MAP2K1: variants seen among roughly 807,000 people sequenced by gnomAD.
The protein encoded by MAP2K1 is mitogen-activated protein kinase kinase 1.
MAP2K1 carries 16 observed loss-of-function variants against 46.3 expected under a neutral mutation model. The ratio of observed to expected loss-of-function variants is 0.35; its 90% confidence interval spans 0.23 to 0.52. MAP2K1 has a LOEUF of 0.52. Among genes scored for constraint, MAP2K1 ranks in the 20% least tolerant of loss-of-function variants. The pLI is 0.94. For synonymous variants in MAP2K1, 183 were observed against 185.6 expected, an observed-to-expected ratio of 0.99 and a Z score of 0.11; for missense variants, 263 against 497.1, an observed-to-expected ratio of 0.53 and a Z score of 4.48.
chr15:66,404,449 A>G (rs897396130), intron 1 of MAP2K1, among the ~76,000 whole-genome samples: 9 of 152,258 alleles, frequency 5.9e-5, no homozygotes, highest in East Asian at 5.8e-4. Flanking sequence ...ATTTACTGGA[A>G]TACTCCTATA....
At position 66,392,255 on chromosome 15, in the gene MAP2K1, GT is replaced by G. The variant is rs58831070; in HGVS notation, c.80+4852del. Among the ~76,000 whole-genome samples, 55 of 97,768 alleles carry G rather than the reference GT, an allele frequency of 5.6e-4. 2 individuals are homozygous for G. Among genetic ancestry groups the G allele is most frequent in the African/African-American group, 2.4e-3 (53 of 22,058 alleles). 64.1% of individuals were successfully genotyped at this position (97,768 alleles called of 152,430 possible). A position where few individuals can be genotyped will look rare whatever the true frequency, so the allele number is the denominator to read the frequency against. The stretch of plus-strand genomic sequence containing the variant: ...ACGAATATTTGTGTGTTTTTTTTGG[GT>G]TTTTTTTTTTTTTTTTTTTTTTTAA... On this transcript the variant is annotated intron_variant, in intron 1 of 10. Transcript: ENST00000307102.
At chr15:66,403,027 G>A (rs1296090887) in intron 1 of MAP2K1, among the ~76,000 whole-genome samples, 1 of 152,156 alleles carries the variant, frequency 6.6e-6, no homozygotes, top group African/African-American at 2.4e-5. Flanking sequence ...TATTAGGGCT[G>A]GATGGGACCT....
intron 5 of MAP2K1, among the ~76,000 whole-genome samples, chr15:66,448,832 G>A (rs542345725): frequency 1.2e-3 from 177 of 151,806 alleles, no homozygotes; most frequent in Non-Finnish European, 2.0e-3. Context: ...TGAAACCCCC[G>A]TCTCTACTAA....
intron 8 of MAP2K1, chr15:66,488,957 C>T (rs1272338806): frequency 8.7e-6 from 5 of 572,616 alleles, no homozygotes; most frequent in South Asian, 2.0e-5. Flanking sequence ...CAAAATCACC[C>T]GACAAGTGAG....
chr15:66,462,634 A>C (rs1196485178), intron 5 of MAP2K1, among the ~76,000 whole-genome samples: 1 of 151,882 alleles, frequency 6.6e-6, no homozygotes, highest in Admixed American at 6.6e-5. Context: ...AGAAAATAGC[A>C]TATGTACTGA....
chr15:66,489,851 A>G, intron 10 of MAP2K1, 88 bp downstream of exon 10: 1 of 1,116,766 alleles, frequency 9.0e-7, no homozygotes, highest in Non-Finnish European at 1.4e-6. Flanking sequence ...TCCAGAGCCC[A>G]TTCATTCCCT....
intron 1 of MAP2K1, among the ~76,000 whole-genome samples, chr15:66,419,126 C>A (rs1374913670): frequency 6.6e-6 from 1 of 151,566 alleles, no homozygotes; most frequent in Non-Finnish European, 1.5e-5. Context: ...ACCACCATGC[C>A]TGGCTTCTTT....
In MAP2K1 at chr15:66,402,976, G is replaced by A. The variant is rs533575122; in HGVS notation, c.80+15549G>A. On this transcript the variant is annotated intron_variant, in intron 1 of 10. Coordinates refer to ENST00000307102, the MANE Select transcript of MAP2K1 (RefSeq NM_002755.4). ...TTTTCTGTTCTTTCCAAGGAGCTGT[G>A]AAAAAAGGAAGCAGCTGCCCAGATT... Among the ~76,000 whole-genome samples, 51 of 152,196 alleles carry A rather than the reference G, an allele frequency of 3.4e-4. No homozygotes were observed. In the South Asian group the frequency reaches 9.5e-3, roughly 28 times the overall value.
intron 1 of MAP2K1, among the ~76,000 whole-genome samples, chr15:66,400,206 T>G (rs1265256130): frequency 2.0e-5 from 3 of 152,012 alleles, no homozygotes; most frequent in Non-Finnish European, 4.4e-5. Context: ...TTCTTTTCAT[T>G]TAAGACAGGT....
rs1196428468 is a variant in MAP2K1, at chr15:66,428,773, CTTTTTT to C, written c.81-6233_81-6228del. Among the ~76,000 whole-genome samples the C allele has an allele frequency of 4.6e-4, 36 of 78,196 alleles. No homozygotes were observed. The South Asian group carries it at 6.3e-3, about 14-fold the overall frequency. 51.3% of individuals were successfully genotyped at this position (78,196 alleles called of 152,430 possible). On this transcript the variant is annotated intron_variant, in intron 1 of 10. Coordinates refer to ENST00000307102, the MANE Select transcript of MAP2K1 (RefSeq NM_002755.4). Reference sequence around the variant, plus strand: ...GTTGCCCTTTTTTGAATTTTCTTTCCTTTTTTTTTTTTTTTTTTTTTTTTTTGAGAC... The same window carrying C: ...GTTGCCCTTTTTTGAATTTTCTTTCCTTTTTTTTTTTTTTTTTTTTGAGAC...
At chr15:66,472,480 AT>A (rs536623261) in intron 5 of MAP2K1, among the ~76,000 whole-genome samples, 2 of 152,140 alleles carry the variant, frequency 1.3e-5, no homozygotes, top group Non-Finnish European at 2.9e-5. Context: ...AGGACTCCTG[AT>A]TGGACTGTTA....
chr15:66,427,325 C>T (rs1490113568), intron 1 of MAP2K1, among the ~76,000 whole-genome samples: 1 of 151,156 alleles, frequency 6.6e-6, no homozygotes, highest in Non-Finnish European at 1.5e-5. Flanking sequence ...TTTAGGAGGC[C>T]GAGGCGGGCA....
chr15:66,436,035 T>C (rs1412494242), intron 2 of MAP2K1, among the ~76,000 whole-genome samples: 1 of 152,174 alleles, frequency 6.6e-6, no homozygotes, highest in Non-Finnish European at 1.5e-5. Flanking sequence ...CTCTTCAATG[T>C]TTTTTTGCAC....
intron 1 of MAP2K1, among the ~76,000 whole-genome samples, chr15:66,431,053 G>A (rs1449222103): frequency 2.6e-5 from 4 of 152,176 alleles, no homozygotes; most frequent in Non-Finnish European, 4.4e-5. Context: ...GGTTGGAGCC[G>A]ATCACAGCTG....
intron 1 of MAP2K1, among the ~76,000 whole-genome samples, chr15:66,420,189 A>G (rs893506372): frequency 2.6e-5 from 4 of 151,892 alleles, no homozygotes; most frequent in Non-Finnish European, 5.9e-5. Flanking sequence ...GGTTGTGGTG[A>G]ACCGAGATCA....
intron 6 of MAP2K1, among the ~76,000 whole-genome samples, chr15:66,484,036 C>T (rs1433290183): frequency 3.3e-5 from 5 of 152,112 alleles, no homozygotes; most frequent in Admixed American, 6.5e-5. Context: ...GCATGAGCCA[C>T]CGCGCCTGGC....
At chr15:66,388,603 T>C (rs1345032617) in intron 1 of MAP2K1, among the ~76,000 whole-genome samples, 1 of 152,208 alleles carries the variant, frequency 6.6e-6, no homozygotes, top group Non-Finnish European at 1.5e-5. Context: ...AGGCTGGTCT[T>C]GAACTCCTGG....
chr15:66,455,588 T>C (rs1892145910), intron 5 of MAP2K1, among the ~76,000 whole-genome samples: 1 of 152,220 alleles, frequency 6.6e-6, no homozygotes. Context: ...TCTTGAACAT[T>C]TTTCAGTTAT....
chr15:66,466,261 C>CA (rs1460862341), intron 5 of MAP2K1, among the ~76,000 whole-genome samples: 1 of 152,234 alleles, frequency 6.6e-6, no homozygotes, highest in African/African-American at 2.4e-5. Context: ...TTTTATTGCA[C>CA]ATATGCAGAT....
Sources: gnomAD v4.1 joint callset for allele counts (sites outside exome capture counted in the v4.1 genomes callset) on GRCh38, gnomAD v4.1.1 for gene constraint, MANE v1.5 for transcripts, NCBI Gene and HGNC (gene_info 2026-07-23, HGNC 2026-07-21) for gene names.